Variants in E2F4 observed in about 807,000 individuals in gnomAD.
The protein encoded by E2F4 is E2F transcription factor 4.
E2F4 carries 16 observed loss-of-function variants against 44.5 expected under a neutral mutation model. The observed-to-expected ratio is 0.36, with a 90% CI of 0.24 to 0.55. The LOEUF is 0.55. Among genes scored for constraint, E2F4 ranks in the 20% least tolerant of loss-of-function variants. The pLI, the probability that E2F4 is intolerant of heterozygous loss-of-function variation, is 0.87. For synonymous variants in E2F4, 242 were observed against 207.2 expected (o/e 1.17, Z -1.44); for missense variants, 473 against 522.1 (o/e 0.91, Z 0.92).
At chr16:67,193,599 T>C in intron 4 of E2F4, 84 bp downstream of exon 4, 3 of 1,460,742 alleles carry the variant, frequency 2.1e-6, no homozygotes, top group Non-Finnish European at 2.9e-6. Context: ...TTAGGAGAGT[T>C]CTGTCTCTTA....
intron 1 of E2F4, 53 bp downstream of exon 1, chr16:67,192,415 C>G (rs1487433943): frequency 1.8e-5 from 25 of 1,410,702 alleles, no homozygotes; most frequent in Non-Finnish European, 2.2e-5. Context: ...AGGCCTGGGC[C>G]GGTAGCGGGA....
Position 67,197,486 on chromosome 16 carries a change from C to T in E2F4, c.1034-113C>T, listed in dbSNP as rs1597277108. The T allele has an allele frequency of 5.5e-6, 6 of 1,093,316 alleles. No homozygotes were observed. The East Asian group carries it at 1.2e-4, about 23-fold the overall frequency. 67.7% of individuals were successfully genotyped at this position (1,093,316 alleles called of 1,614,324 possible). ...CTTGGCCTAGGCAGGACCTACATCT[C>T]CTTAGCTGTGTGGAGCCTCAGGGTG... On this transcript the variant is annotated intron_variant, in intron 7 of 9. Transcript: ENST00000379378.
chr16:67,193,866 C>T, intron 4 of E2F4: 1 of 338,404 alleles, frequency 3.0e-6, no homozygotes, highest in Non-Finnish European at 5.4e-6. Context: ...CATGGGGGTG[C>T]CCACTTCCAA....
Position 67,192,703 on chromosome 16 carries a change from A to G in E2F4, c.136-58A>G, listed in dbSNP as rs1224923119. 6.0e-6 allele frequency: 9 copies of G among 1,497,824 alleles called. No homozygotes were observed. The East Asian group carries it at 1.7e-4, about 28-fold the overall frequency. The allele number at this position is 1,497,824 out of a possible 1,614,324, so 92.8% of individuals were successfully genotyped here. A position where few individuals can be genotyped will look rare whatever the true frequency, so the allele number is the denominator to read the frequency against. On this transcript the variant is annotated intron_variant, in intron 1 of 9. Coordinates refer to ENST00000379378, the MANE Select transcript of E2F4 (RefSeq NM_001950.4). ...TTACTCCCTTCCCAGACCACGTCTC[A>G]GGGTGGCTGGGGGTACACCCCAGAG...
At chr16:67,197,549 G>A (rs368666591) in intron 7 of E2F4, 50 bp from the exon 8 acceptor site, 203 of 1,602,856 alleles carry the variant, frequency 1.3e-4, no homozygotes, top group Non-Finnish European at 1.7e-4. Flanking sequence ...GGGCTGTAGT[G>A]GGGCCAGGCT....
At chr16:67,195,182 G>T (rs1422528983) in intron 6 of E2F4, among the ~76,000 whole-genome samples, 1 of 152,220 alleles carries the variant, frequency 6.6e-6, no homozygotes, top group Non-Finnish European at 1.5e-5. Context: ...CCCCAGGCTG[G>T]AGTGTGCAAT....
chr16:67,192,481 C>T, intron 1 of E2F4, 119 bp downstream of exon 1: 2 of 1,315,120 alleles, frequency 1.5e-6, no homozygotes, highest in South Asian at 1.9e-5. Context: ...CGTGTGCTTT[C>T]TCACAGGAGA....
Position 67,193,477 on chromosome 16 carries a change from C to T in E2F4, c.413C>T (p.Ala138Val), listed in dbSNP as rs747655429. 8.1e-6 allele frequency: 13 copies of T among 1,614,212 alleles called. No homozygotes were observed. The South Asian group carries it at 1.1e-4, about 14-fold the overall frequency. The change falls in exon 4 of 10, where the codon GCC becomes GTC. Residue 138 changes from alanine (A) to valine (V), a missense_variant. By Grantham distance (64) the Ala-to-Val change is moderately conservative (BLOSUM62 0). Around this residue, in one of 3 missense-constraint regions of E2F4, gnomAD observed 119 missense variants for 175.6 expected, o/e 0.68. Transcript: ENST00000379378. The part of the protein sequence containing the change: ...VTEDVQNSCL[A>V]YVTHEDICRC... ...ATTCTCCTTAACCCTCACACTTTGG[C>T]CTACGTCACTCATGAGGACATCTGC... is the stretch of plus-strand genomic sequence containing the variant.
At chr16:67,197,955 G>A in intron 9 of E2F4, 44 bp downstream of exon 9, 1 of 1,614,112 alleles carries the variant, frequency 6.2e-7, no homozygotes, top group Non-Finnish European at 8.5e-7. Context: ...GCAGGGGTTG[G>A]GCTGCTGCTA....
Position 67,194,851 on chromosome 16 carries a change from C to A in E2F4, c.679C>A (p.Pro227Thr). Reference protein sequence around the residue: ...QSPSAVSTPPPLPKPALAQSQ... With the variant: ...QSPSAVSTPPTLPKPALAQSQ... ...CCCATCTGCTGTTTCTACACCTCCA[C>A]CTCTGCCCAAGCCTGCCCTAGCCCA... The change falls in exon 6 of 10, where the codon CCT (proline) becomes ACT (threonine). Residue 227 changes from proline (P) to threonine (T), a missense_variant. Physicochemically the swap from Pro to Thr is conservative, Grantham distance 38. This residue lies in a region of E2F4 where 314 missense variants were observed against 315.6 expected (regional missense o/e 0.99). Coordinates refer to ENST00000379378, the MANE Select transcript of E2F4 (RefSeq NM_001950.4). The A allele has an allele frequency of 6.2e-7, 1 of 1,614,226 alleles. No homozygotes were observed. Among genetic ancestry groups the A allele is most frequent in the Non-Finnish European group, 8.5e-7 (1 of 1,180,048 alleles).
rs2033013966 is a variant in E2F4, at chr16:67,198,480, C to T, written c.*357C>T. ...TGTTCCTGCCAGCCTCAGTGTCTTG[C>T]TTCTGCCAGCTCCTTCCCCTAGGAG... On this transcript the variant is annotated 3_prime_UTR_variant, in exon 10 of 10. Transcript: ENST00000379378. 1 of 264,850 alleles carries T rather than the reference C, an allele frequency of 3.8e-6. No individual in the cohort carries two copies. The highest frequency in any genetic ancestry group is 4.7e-5 in the South Asian group (1 of 21,466). 16.4% of individuals were successfully genotyped at this position (264,850 alleles called of 1,614,324 possible). A position where few individuals can be genotyped will look rare whatever the true frequency, so the allele number is the denominator to read the frequency against.
chr16:67,195,116 A>G (rs3730399), intron 6 of E2F4, 136 bp downstream of exon 6: 87,958 of 1,119,470 alleles, frequency 0.079, 5,047 homozygotes, highest in African/African-American at 0.27. Flanking sequence ...TTCCCTTGCT[A>G]TGGTAATGAA....
At chr16:67,197,456 G>A in intron 7 of E2F4, 143 bp from the exon 8 acceptor site, 1 of 791,162 alleles carries the variant, frequency 1.3e-6, no homozygotes, top group African/African-American at 1.7e-5. Context: ...AACAGACAGT[G>A]CCAGCTTGGC....
intron 1 of E2F4, 148 bp downstream of exon 1, chr16:67,192,510 A>T (rs955949476): frequency 4.0e-5 from 49 of 1,215,782 alleles, no homozygotes; most frequent in Non-Finnish European, 4.7e-5. Flanking sequence ...GGGATGTTTC[A>T]TTCATTCGGC....
Position 67,198,295 on chromosome 16 carries a change from T to C in E2F4, c.*172T>C. On this transcript the variant is annotated 3_prime_UTR_variant, in exon 10 of 10. Coordinates refer to ENST00000379378, the MANE Select transcript of E2F4 (RefSeq NM_001950.4). ...CAGCTCCCGCTCCTGTGCTGGCACT[T>C]CTGTGCTCGCAGAGCAGGGGAACAG... 1 of 619,790 alleles carries C rather than the reference T, an allele frequency of 1.6e-6. No individual in the cohort carries two copies. Among genetic ancestry groups the C allele is most frequent in the Non-Finnish European group, 2.9e-6 (1 of 348,964 alleles). 38.4% of individuals were successfully genotyped at this position (619,790 alleles called of 1,614,324 possible). A position where few individuals can be genotyped will look rare whatever the true frequency, so the allele number is the denominator to read the frequency against.
At position 67,194,845 on chromosome 16, in the gene E2F4, C is replaced by A; in HGVS notation, c.673C>A (p.Pro225Thr). The A allele has an allele frequency of 6.2e-7, 1 of 1,614,198 alleles. No individual in the cohort carries two copies. Among genetic ancestry groups the A allele is most frequent in the Non-Finnish European group, 8.5e-7 (1 of 1,180,034 alleles). ...LLQSPSAVST[P>T]PPLPKPALAQ... The stretch of plus-strand genomic sequence containing the variant: ...CCAGAGCCCATCTGCTGTTTCTACA[C>A]CTCCACCTCTGCCCAAGCCTGCCCT... Residue 225 changes from proline (P) to threonine (T), a missense_variant, in exon 6 of 10, where the codon CCT becomes ACT. By Grantham distance (38) the Pro-to-Thr change is conservative. This residue lies in a region of E2F4 where 314 missense variants were observed against 315.6 expected (regional missense o/e 0.99). Transcript: ENST00000379378.
rs1172006017 is a variant in E2F4, at chr16:67,193,324, T to C, written c.408-148T>C. ...CTCAGAGCCCCTCCCCTTCCACTCT[T>C]AGCCTGTGATCCCTCCCCCGGTGGA... On this transcript the variant is annotated intron_variant, in intron 3 of 9. Coordinates refer to ENST00000379378, the MANE Select transcript of E2F4 (RefSeq NM_001950.4). 4 of 1,483,156 alleles carry C rather than the reference T, an allele frequency of 2.7e-6. No homozygotes were observed. In the African/African-American group the frequency reaches 5.5e-5, roughly 20 times the overall value. 91.9% of individuals were successfully genotyped at this position (1,483,156 alleles called of 1,614,324 possible).
In E2F4 at chr16:67,194,765, A is replaced by T; in HGVS notation, c.593A>T (p.Glu198Val). The change falls in exon 6 of 10, where the codon GAG becomes GTG. Residue 198 changes from glutamate to valine, a missense_variant. Transcript: ENST00000379378. The part of the protein sequence containing the change: ...GPIEVLLVNK[E>V]AWSSPPVAVP... ...ATTGAGGTTCTGCTGGTGAACAAGG[A>T]GGCATGGAGCTCACCCCCTGTGGCT... 1 of 1,614,164 alleles carries T rather than the reference A, an allele frequency of 6.2e-7. No homozygotes were observed. The highest frequency in any genetic ancestry group is 8.5e-7 in the Non-Finnish European group (1 of 1,180,010).
intron 7 of E2F4, among the ~76,000 whole-genome samples, chr16:67,196,599 C>A (rs974372602): frequency 4.6e-5 from 7 of 152,210 alleles, no homozygotes; most frequent in African/African-American, 1.7e-4. Flanking sequence ...CCATTCCACT[C>A]CTGGAGAGGG....
Sources: gnomAD v4.1 joint callset for allele counts (sites outside exome capture counted in the v4.1 genomes callset) on GRCh38, gnomAD v4.1.1 for gene constraint, gnomAD v4.1.1 regional missense constraint, MANE v1.5 for transcripts, NCBI Gene and HGNC (gene_info 2026-07-23, HGNC 2026-07-21) for gene names.